Variants in ABR observed in about 807,000 individuals in gnomAD.
ABR encodes ABR activator of RhoGEF and GTPase, also known as active breakpoint cluster region-related protein.
Under a neutral mutation model 107.2 loss-of-function variants are expected in ABR, and 35 were observed. The ratio of observed to expected loss-of-function variants is 0.33; its 90% CI spans 0.25 to 0.43. The LOEUF (loss-of-function observed/expected upper bound fraction) is 0.43. ABR is among the 20% of genes least tolerant of loss of function. The pLI, the probability that ABR is intolerant of heterozygous loss-of-function variation, is 1.00. For missense variants in ABR, 815 were observed against 1,115.2 expected (o/e 0.73, Z 3.83); for synonymous variants, 498 against 462.0 (o/e 1.08, Z -1.00).
rs2035091176 is a variant in ABR at position 1,069,949 on chromosome 17, C to T, written c.1016+20G>A. The T allele has an allele frequency of 1.2e-6, 2 of 1,602,068 alleles. No homozygotes were observed. The highest frequency in any genetic ancestry group is 8.5e-7 in the Non-Finnish European group (1 of 1,174,108). On this transcript the variant is annotated intron_variant, in intron 9 of 22. Transcript: ENST00000302538. ...CCGGACCCCCTCCCCCGCCCCGTGC[C>T]CCTGGACTCACACACTCACCCTGCA...
intron 10 of ABR, among the ~76,000 whole-genome samples, chr17:1,065,590 C>G (rs138714601): frequency 1.3e-5 from 2 of 152,138 alleles, no homozygotes; most frequent in East Asian, 3.9e-4. Context: ...GAACTGAGGG[C>G]TATTCATGTT....
chr17:1,008,804 C>A (rs1349710796), intron 21 of ABR, among the ~76,000 whole-genome samples: 3 of 152,140 alleles, frequency 2.0e-5, no homozygotes. Context: ...TAAGGGACGC[C>A]CAGGGACCAC....
intron 1 of ABR, among the ~76,000 whole-genome samples, chr17:1,206,206 G>T (rs548845080): frequency 1.3e-5 from 2 of 152,308 alleles, no homozygotes; most frequent in Non-Finnish European, 2.9e-5. Context: ...GAGCTCTCAT[G>T]TGACCACTGA....
At chr17:1,101,011 A>G (rs2151340323) in intron 2 of ABR, 2 of 463,902 alleles carry the variant, frequency 4.3e-6, no homozygotes, top group East Asian at 4.0e-5. Flanking sequence ...TTTAGTAGAG[A>G]TGGGGTTTCA....
At chr17:1,205,546 C>T (rs1434800512) in intron 1 of ABR, among the ~76,000 whole-genome samples, 1 of 152,168 alleles carries the variant, frequency 6.6e-6, no homozygotes, top group African/African-American at 2.4e-5. Context: ...TGCAGTGGCT[C>T]ACGTCTGTAA....
chr17:1,068,883 G>A (rs776011172), intron 9 of ABR, among the ~76,000 whole-genome samples: 11 of 152,210 alleles, frequency 7.2e-5, no homozygotes, highest in Non-Finnish European at 1.3e-4. Context: ...ACTTTGTGGA[G>A]GTGTTGGGAG....
At chr17:1,060,552 G>A (rs1466430315) in intron 10 of ABR, among the ~76,000 whole-genome samples, 1 of 152,224 alleles carries the variant, frequency 6.6e-6, no homozygotes, top group Non-Finnish European at 1.5e-5. Context: ...GAAGAGTTCA[G>A]AAGAATACAC....
intron 1 of ABR, among the ~76,000 whole-genome samples, chr17:1,129,750 C>CAATT (rs1381875840): frequency 6.6e-6 from 1 of 152,126 alleles, no homozygotes; most frequent in Non-Finnish European, 1.5e-5. Flanking sequence ...AGTTCAAGAA[C>CAATT]AGCCTGGCCA....
intron 4 of ABR, among the ~76,000 whole-genome samples, chr17:1,088,848 C>T (rs1285922441): frequency 2.0e-5 from 3 of 150,276 alleles, no homozygotes; most frequent in Non-Finnish European, 4.4e-5. Flanking sequence ...CTTGGCCTCC[C>T]AAAGTGTTGC....
At chr17:1,012,314 G>A (rs958541541) in intron 18 of ABR, 6 of 638,572 alleles carry the variant, frequency 9.4e-6, no homozygotes, top group Non-Finnish European at 1.7e-5. Flanking sequence ...GGTGGGTCAG[G>A]CCTGAGACAA....
chr17:1,034,764 G>A (rs1826724562), intron 16 of ABR, among the ~76,000 whole-genome samples: 1 of 152,104 alleles, frequency 6.6e-6, no homozygotes, highest in African/African-American at 2.4e-5. Context: ...CTTAACTTCA[G>A]AATCGGCCCC....
At chr17:1,120,167 C>T (rs550960874) in intron 2 of ABR, among the ~76,000 whole-genome samples, 3 of 152,222 alleles carry the variant, frequency 2.0e-5, no homozygotes, top group South Asian at 2.1e-4. Flanking sequence ...TTAAATGAAA[C>T]CAACACGTGA....
rs2040765403 is a variant in ABR at position 1,150,879 on chromosome 17, C to G, written c.62-25512G>C. On this transcript the variant is annotated intron_variant, in intron 1 of 22. Transcript: ENST00000302538. The surrounding 1 kb of genome is among the most constrained non-coding windows in gnomAD (Gnocchi z 4.8). ...TGAGCCTCCCTCCCTTGCTGAGCTA[C>G]TGGTGCGCGTATGTGTGCATATATA... Among the ~76,000 whole-genome samples the G allele has an allele frequency of 6.6e-6, 1 of 152,188 alleles. No homozygotes were observed. The highest frequency in any genetic ancestry group is 6.5e-5 in the Admixed American group (1 of 15,272).
At chr17:1,042,290 T>C (rs2921135) in intron 16 of ABR, among the ~76,000 whole-genome samples, 113,832 of 149,814 alleles carry the variant, frequency 0.76, 43,548 homozygotes, top group South Asian at 0.89. Context: ...CATCCGCGGA[T>C]GGATGGATAA....
chr17:1,024,228 G>A (rs1253221408), intron 16 of ABR, among the ~76,000 whole-genome samples: 1 of 152,232 alleles, frequency 6.6e-6, no homozygotes, highest in South Asian at 2.1e-4. Flanking sequence ...GTTCAGTGGC[G>A]TCGTCGAGAA....
At chr17:1,095,439 C>G (rs2037347148) in intron 3 of ABR, among the ~76,000 whole-genome samples, 1 of 152,082 alleles carries the variant, frequency 6.6e-6, no homozygotes, top group Admixed American at 6.5e-5. Flanking sequence ...CCAGGACCCT[C>G]GAGGCCGTTA....
intron 10 of ABR, among the ~76,000 whole-genome samples, chr17:1,061,063 C>T (rs1464428534): frequency 6.6e-6 from 1 of 152,214 alleles, no homozygotes; most frequent in East Asian, 1.9e-4. Flanking sequence ...GGCACCTGTG[C>T]CTCTCCAGTG....
At chr17:1,025,955 C>T (rs1370934085) in intron 16 of ABR, among the ~76,000 whole-genome samples, 3 of 152,224 alleles carry the variant, frequency 2.0e-5, no homozygotes, top group African/African-American at 7.2e-5. Context: ...CCCGCCGGGG[C>T]TGCTTCAGGA....
Position 1,071,774 on chromosome 17 carries a change from G to A in ABR, c.894+840C>T, listed in dbSNP as rs943382195. Reference sequence around the variant, plus strand: ...GTCTGCATTCAAGAATGAGGCACCCGGAGGCCACTTCCCCGGCGTGGGCCT... The same window carrying A: ...GTCTGCATTCAAGAATGAGGCACCCAGAGGCCACTTCCCCGGCGTGGGCCT... On this transcript the variant is annotated intron_variant, in intron 8 of 22. Transcript: ENST00000302538. This position sits in a 1 kb window ranked among gnomAD's most constrained non-coding sequence, Gnocchi z 5.1. 4.6e-5 allele frequency among the ~76,000 whole-genome samples: 7 copies of A among 152,256 alleles called. No individual in the cohort carries two copies. Among genetic ancestry groups the A allele is most frequent in the African/African-American group, 7.2e-5 (3 of 41,470 alleles).
Sources: allele counts gnomAD v4.1 joint callset (sites outside exome capture counted in the v4.1 genomes callset), GRCh38; gene constraint gnomAD v4.1.1; non-coding constraint Gnocchi (gnomAD v3.1); transcripts MANE v1.5; gene names NCBI Gene and HGNC (gene_info 2026-07-23, HGNC 2026-07-21).